Variants in LIMD1 observed in about 807,000 individuals in gnomAD.
LIMD1 encodes LIM domain-containing protein 1.
Under a neutral mutation model 58.4 loss-of-function variants are expected in LIMD1, and 23 were observed. The observed-to-expected ratio is 0.39, with a 90% confidence interval of 0.28 to 0.56. The LOEUF (loss-of-function observed/expected upper bound fraction) is 0.56. LIMD1 is among the 20% of genes least tolerant of loss of function. LIMD1 has a pLI of 0.57. For synonymous variants in LIMD1, 334 were observed against 345.5 expected, an observed-to-expected ratio of 0.97 and a Z score of 0.37; for missense variants, 838 against 855.5, an observed-to-expected ratio of 0.98 and a Z score of 0.25.
chr3:45,659,735 C>G (rs1188669501), intron 2 of LIMD1, among the ~76,000 whole-genome samples: 1 of 152,174 alleles, frequency 6.6e-6, no homozygotes, highest in African/African-American at 2.4e-5. Context: ...ATAACCATTC[C>G]TCTAAGGCTG....
Position 45,677,044 on chromosome 3 carries a change from C to A in LIMD1, c.2016C>A (p.His672Gln). ...AGAGACCCTCATCTACAGCCCTTCA[C>A]CAGCACCACTTCTAGCCAGAGCCAC... is the stretch of plus-strand genomic sequence containing the variant. ...LEKRPSSTAL[H>Q]QHHF is the part of the protein sequence containing the mutation. Residue 672 changes from histidine to glutamine, a missense_variant, in exon 8 of 8, where the codon CAC becomes CAA. Around this residue, in one of 3 missense-constraint regions of LIMD1, gnomAD observed 174 missense variants for 197.4 expected, o/e 0.88. Transcript: ENST00000273317. The A allele has an allele frequency of 6.2e-7, 1 of 1,613,830 alleles. No individual in the cohort carries two copies. Among genetic ancestry groups the A allele is most frequent in the Non-Finnish European group, 8.5e-7 (1 of 1,180,000 alleles).
At chr3:45,607,478 G>A (rs988432026) in intron 1 of LIMD1, among the ~76,000 whole-genome samples, 8 of 152,066 alleles carry the variant, frequency 5.3e-5, no homozygotes, top group Admixed American at 3.3e-4. Flanking sequence ...GGTTACTCCC[G>A]GTTACTGAAA....
chr3:45,622,206 C>T (rs757659825), intron 1 of LIMD1, among the ~76,000 whole-genome samples: 17 of 152,196 alleles, frequency 1.1e-4, no homozygotes, highest in Admixed American at 4.6e-4. Flanking sequence ...CTCCCTGCTC[C>T]GCTGTCCTCC....
At chr3:45,664,091 G>A (rs1342980229) in intron 2 of LIMD1, among the ~76,000 whole-genome samples, 7 of 151,708 alleles carry the variant, frequency 4.6e-5, no homozygotes, top group African/African-American at 7.3e-5. Context: ...GGCTGATCTC[G>A]AACTCCTGAC....
chr3:45,601,489 A>G (rs1701411084), intron 1 of LIMD1, among the ~76,000 whole-genome samples: 1 of 152,164 alleles, frequency 6.6e-6, no homozygotes, highest in South Asian at 2.1e-4. Context: ...GCCTTCATCG[A>G]AGGGCCTTTG....
chr3:45,657,125 T>A (rs1697338704), intron 2 of LIMD1, among the ~76,000 whole-genome samples: 1 of 152,168 alleles, frequency 6.6e-6, no homozygotes, highest in Non-Finnish European at 1.5e-5. Context: ...GAGAATACCT[T>A]TTCTGCCTCC....
chr3:45,595,386 G>A lies in LIMD1; in HGVS notation c.507G>A (p.Glu169=). The part of the protein sequence containing the change: ...MSAFHQPGPC[E]DPSCLTHGDY... ...CTTTCCACCAGCCAGGCCCCTGTGAGGATCCTTCCTGCCTCACTCATGGAG... is the reference window on the plus strand; with the variant it reads ...CTTTCCACCAGCCAGGCCCCTGTGAAGATCCTTCCTGCCTCACTCATGGAG... The change falls in exon 1 of 8, where the codon GAG becomes GAA. Residue 169 remains glutamate (E), a synonymous_variant. Transcript: ENST00000273317. 6.2e-7 allele frequency: 1 copy of A among 1,613,918 alleles called. No homozygotes were observed. The highest frequency in any genetic ancestry group is 8.5e-7 in the Non-Finnish European group (1 of 1,180,044).
intron 4 of LIMD1, among the ~76,000 whole-genome samples, chr3:45,671,362 A>G (rs1206969168): frequency 6.6e-6 from 1 of 152,226 alleles, no homozygotes; most frequent in Non-Finnish European, 1.5e-5. Context: ...CTCACAGTGT[A>G]CTGACAAGGC....
Position 45,681,133 on chromosome 3 carries a change from A to G in LIMD1, c.*4074A>G, listed in dbSNP as rs1247302929. The G allele has an allele frequency of 6.6e-6, 1 of 152,162 alleles. No homozygotes were observed. Among genetic ancestry groups the G allele is most frequent in the African/African-American group, 2.4e-5 (1 of 41,440 alleles). The allele number at this position is 152,162 out of a possible 1,614,324, so 9.4% of individuals were successfully genotyped here. ...GTATGAAAATTTCATTGTACAGGGAAATTATTTTCCTCTGTGTCTTTTCTT... is the reference window on the plus strand; with the variant it reads ...GTATGAAAATTTCATTGTACAGGGAGATTATTTTCCTCTGTGTCTTTTCTT... On this transcript the variant is annotated 3_prime_UTR_variant, in exon 8 of 8. Transcript: ENST00000273317.
intron 1 of LIMD1, among the ~76,000 whole-genome samples, chr3:45,619,730 C>T (rs149936309): frequency 0.039 from 5,863 of 151,900 alleles, 374 homozygotes; most frequent in African/African-American, 0.13. Flanking sequence ...ACCTGGGAAG[C>T]GGAGGTTGTG....
chr3:45,602,170 G>A (rs1380945466), intron 1 of LIMD1, among the ~76,000 whole-genome samples: 1 of 152,002 alleles, frequency 6.6e-6, no homozygotes, highest in East Asian at 1.9e-4. Flanking sequence ...GGATGGTCTC[G>A]ATCTCCTGAC....
intron 1 of LIMD1, among the ~76,000 whole-genome samples, chr3:45,622,639 G>T (rs1245508951): frequency 6.6e-6 from 1 of 151,762 alleles, no homozygotes; most frequent in Non-Finnish European, 1.5e-5. Flanking sequence ...TGCTGTATGG[G>T]GTCAAATAGT....
At position 45,663,868 on chromosome 3, in the gene LIMD1, A is replaced by ATTTTTTTTTTTTTTTTTTTT. The variant is rs553757543; in HGVS notation, c.1511-1781_1511-1762dup. On this transcript the variant is annotated intron_variant, in intron 2 of 7. Coordinates refer to ENST00000273317, the MANE Select transcript of LIMD1 (RefSeq NM_014240.3). ...TAGTGCGTGGCACCATGCCTGGCTA[A>ATTTTTTTTTTTTTTTTTTTT]TTTTTTTTTTTTTTTTTTTTGAGAC... is the stretch of plus-strand genomic sequence containing the variant. 1.4e-3 allele frequency among the ~76,000 whole-genome samples: 141 copies of ATTTTTTTTTTTTTTTTTTTT among 102,828 alleles called. 10 individuals carry two copies. Among genetic ancestry groups the ATTTTTTTTTTTTTTTTTTTT allele is most frequent in the African/African-American group, 1.8e-3 (41 of 23,340 alleles). The allele number at this position is 102,828 out of a possible 152,430, so 67.5% of individuals were successfully genotyped here.
intron 3 of LIMD1, among the ~76,000 whole-genome samples, chr3:45,667,275 G>A (rs1052147314): frequency 3.3e-5 from 5 of 152,214 alleles, no homozygotes; most frequent in African/African-American, 1.2e-4. Flanking sequence ...AGGCTCTGAT[G>A]GGCCAGATCT....
chr3:45,650,782 T>A (rs1701960707), intron 2 of LIMD1, among the ~76,000 whole-genome samples: 1 of 152,118 alleles, frequency 6.6e-6, no homozygotes, highest in South Asian at 2.1e-4. Context: ...TTTTGAATAG[T>A]GCCGCAATAA....
intron 1 of LIMD1, among the ~76,000 whole-genome samples, chr3:45,600,705 CCCA>C (rs1188546531): frequency 1.9e-4 from 29 of 152,234 alleles, no homozygotes; most frequent in Admixed American, 1.8e-3. Context: ...TTAGTTGTGC[CCCA>C]CCGTCTCCTC....
At chr3:45,656,073 G>T (rs1454084745) in intron 2 of LIMD1, among the ~76,000 whole-genome samples, 1 of 152,162 alleles carries the variant, frequency 6.6e-6, no homozygotes, top group Non-Finnish European at 1.5e-5. Context: ...AGAGCTCAGA[G>T]ATGTAGTTAG....
chr3:45,648,052 A>T (rs971827502), intron 2 of LIMD1, among the ~76,000 whole-genome samples: 1 of 152,096 alleles, frequency 6.6e-6, no homozygotes, highest in Non-Finnish European at 1.5e-5. Context: ...TTATGATTAG[A>T]TTGAAACTGT....
chr3:45,672,093 C>CT (rs1457309155), intron 4 of LIMD1, among the ~76,000 whole-genome samples: 1 of 152,192 alleles, frequency 6.6e-6, no homozygotes, highest in Non-Finnish European at 1.5e-5. Context: ...AGAAACTTTA[C>CT]TTATTACACT....
Sources: gnomAD v4.1 joint callset for allele counts (sites outside exome capture counted in the v4.1 genomes callset) on GRCh38, gnomAD v4.1.1 for gene constraint, gnomAD v4.1.1 regional missense constraint, MANE v1.5 for transcripts, NCBI Gene and HGNC (gene_info 2026-07-23, HGNC 2026-07-21) for gene names.